Variants in DGKG observed in about 807,000 individuals in gnomAD.
DGKG encodes the protein diacylglycerol kinase gamma, also known as DAG kinase gamma.
A neutral mutation model predicts 105.3 loss-of-function variants in DGKG; 78 were observed. That is an observed-to-expected ratio of 0.74 (90% confidence interval 0.62 to 0.89). DGKG has a LOEUF of 0.89. Among genes scored for constraint, DGKG ranks in the 40% least tolerant of loss-of-function variants. DGKG has a pLI of 0.00. For missense variants in DGKG, 958 were observed against 1,020.1 expected (o/e 0.94, Z 0.83); for synonymous variants, 346 against 367.1 (o/e 0.94, Z 0.66).
chr3:186,299,837 CTTTTTTTT>C (rs67637144), intron 3 of DGKG, among the ~76,000 whole-genome samples: 53 of 90,054 alleles, frequency 5.9e-4, no homozygotes, highest in African/African-American at 2.0e-3. Flanking sequence ...TTCTTTCTTT[CTTTTTTTT>C]TTTTTTTGAG....
chr3:186,165,071 C>T lies in DGKG; in HGVS notation c.2096-53G>A. 1.9e-6 allele frequency: 3 copies of T among 1,568,974 alleles called. No homozygotes were observed. The South Asian group carries it at 3.6e-5, about 19-fold the overall frequency. On this transcript the variant is annotated intron_variant, in intron 22 of 24. Coordinates refer to ENST00000265022, the MANE Select transcript of DGKG (RefSeq NM_001346.3). ...CATACACATCTCTGTGTTCCTCAGA[C>T]AAGTTCTGGCCAGAAAGTCTGGTCC...
intron 18 of DGKG, 21 bp from the exon 19 acceptor site, chr3:186,251,940 T>C (rs1377903545): frequency 6.5e-7 from 1 of 1,529,992 alleles, no homozygotes; most frequent in Non-Finnish European, 8.8e-7. Flanking sequence ...CAGCACTGCA[T>C]TTGCCACCAC....
intron 1 of DGKG, among the ~76,000 whole-genome samples, chr3:186,332,355 A>G (rs1453639929): frequency 1.3e-5 from 2 of 152,164 alleles, no homozygotes; most frequent in African/African-American, 4.8e-5. Context: ...ACTCAGCTTC[A>G]CCACTTGGGG....
chr3:186,298,025 T>C (rs911519094), intron 4 of DGKG, 39 bp downstream of exon 4: 2 of 1,569,720 alleles, frequency 1.3e-6, no homozygotes, highest in African/African-American at 2.7e-5. Flanking sequence ...GGATGAGAGC[T>C]GCGCAAGGTC....
intron 20 of DGKG, among the ~76,000 whole-genome samples, chr3:186,217,175 C>G (rs568954025): frequency 6.6e-4 from 100 of 152,238 alleles, no homozygotes; most frequent in Admixed American, 1.8e-3. Flanking sequence ...CGTAGGTGGC[C>G]CATATTTTTT....
rs1436152315 is a variant in DGKG, at chr3:186,251,775, T to C, written c.1745A>G (p.Tyr582Cys). The change falls in exon 19 of 25, where the codon TAT becomes TGT. Residue 582 changes from tyrosine to cysteine, a missense_variant. Transcript: ENST00000265022. ...CCAACTCACCACACCAATGGAGAAATAGTTGTTCATGATGCTGTATGGGAC... is the reference window on the plus strand; with the variant it reads ...CCAACTCACCACACCAATGGAGAAACAGTTGTTCATGATGCTGTATGGGAC... The part of the protein sequence containing the change: ...DQVPYSIMNN[Y>C]FSIGVDASIA... 1.2e-6 allele frequency: 2 copies of C among 1,613,864 alleles called. No homozygotes were observed. The highest frequency in any genetic ancestry group is 8.5e-7 in the Non-Finnish European group (1 of 1,179,904).
intron 7 of DGKG, among the ~76,000 whole-genome samples, chr3:186,283,502 C>A (rs1291010541): frequency 6.6e-6 from 1 of 152,212 alleles, no homozygotes; most frequent in Non-Finnish European, 1.5e-5. Context: ...TCCTCGGCGA[C>A]CCTCGCTAAA....
intron 1 of DGKG, among the ~76,000 whole-genome samples, chr3:186,349,067 A>G (rs1045667306): frequency 3.3e-5 from 5 of 151,788 alleles, no homozygotes; most frequent in Non-Finnish European, 7.4e-5. Flanking sequence ...GTGTCACGGT[A>G]AATTAAATTA....
chr3:186,251,834 G>A lies in DGKG; in HGVS notation c.1686C>T (p.Val562=). The part of the protein sequence containing the change: ...LVMLDRWHLE[V]IPREEVENGD... ...CGTTTTCCACTTCCTCTCTGGGGAT[G>A]ACTTCCAGATGCCAGCGGTCCAGCA... is the stretch of plus-strand genomic sequence containing the variant. The change falls in exon 19 of 25, where the codon GTC becomes GTT. Residue 562 remains valine, a synonymous_variant. Transcript: ENST00000265022. 6.2e-7 allele frequency: 1 copy of A among 1,613,824 alleles called. No homozygotes were observed. Among genetic ancestry groups the A allele is most frequent in the Non-Finnish European group, 8.5e-7 (1 of 1,179,808 alleles).
At chr3:186,267,867 G>C (rs967565547) in intron 12 of DGKG, 90 bp from the exon 13 acceptor site, 9 of 1,182,994 alleles carry the variant, frequency 7.6e-6, no homozygotes, top group Non-Finnish European at 1.0e-5. Context: ...GAGGTGAGCT[G>C]TCTAGTGCTC....
intron 19 of DGKG, among the ~76,000 whole-genome samples, chr3:186,249,085 G>A (rs1047253543): frequency 2.6e-5 from 4 of 152,152 alleles, no homozygotes; most frequent in Non-Finnish European, 5.9e-5. Flanking sequence ...TGGGGGAAGC[G>A]GAGCCTGAAC....
intron 1 of DGKG, among the ~76,000 whole-genome samples, chr3:186,355,691 T>TACCACC (rs1265363700): frequency 2.0e-5 from 3 of 148,362 alleles, no homozygotes; most frequent in Middle Eastern, 3.4e-3. Flanking sequence ...ATTACCCCAT[T>TACCACC]ATCACCATCA....
intron 5 of DGKG, among the ~76,000 whole-genome samples, chr3:186,289,726 A>C (rs1320022570): frequency 2.6e-5 from 4 of 152,322 alleles, no homozygotes; most frequent in African/African-American, 9.6e-5. Flanking sequence ...CAAAGGGAAG[A>C]TGGACAGTGG....
intron 7 of DGKG, chr3:186,281,345 A>C (rs748570860): frequency 2.6e-5 from 4 of 152,364 alleles, no homozygotes; most frequent in Non-Finnish European, 5.9e-5. Context: ...TTGATGACTG[A>C]GCCTTTTGGT....
intron 1 of DGKG, among the ~76,000 whole-genome samples, chr3:186,352,728 C>A (rs760391603): frequency 3.3e-5 from 5 of 152,186 alleles, no homozygotes; most frequent in Non-Finnish European, 7.3e-5. Context: ...CTGACTCCAC[C>A]TGTACTGCCA....
At chr3:186,287,939 C>A (rs535500675) in intron 6 of DGKG, among the ~76,000 whole-genome samples, 2 of 152,270 alleles carry the variant, frequency 1.3e-5, no homozygotes, top group Admixed American at 1.3e-4. Context: ...GAAGCAAAGA[C>A]AATACAGATT....
At chr3:186,301,748 A>C (rs752333283) in intron 3 of DGKG, among the ~76,000 whole-genome samples, 2 of 152,234 alleles carry the variant, frequency 1.3e-5, no homozygotes, top group Non-Finnish European at 2.9e-5. Flanking sequence ...TGGCAAGTGG[A>C]AATTAGATGA....
intron 21 of DGKG, among the ~76,000 whole-genome samples, chr3:186,197,592 C>T (rs532817972): frequency 7.9e-5 from 12 of 152,192 alleles, no homozygotes; most frequent in Non-Finnish European, 1.5e-4. Flanking sequence ...GGGCGGGGAG[C>T]AGCCTCTCTC....
At chr3:186,190,245 T>A (rs565996684) in intron 21 of DGKG, among the ~76,000 whole-genome samples, 1 of 152,326 alleles carries the variant, frequency 6.6e-6, no homozygotes, top group Admixed American at 6.5e-5. Flanking sequence ...GTCAACTCTC[T>A]TCATCTTCTC....
Sources: allele counts gnomAD v4.1 joint callset (sites outside exome capture counted in the v4.1 genomes callset), GRCh38; gene constraint gnomAD v4.1.1; transcripts MANE v1.5; gene names NCBI Gene and HGNC (gene_info 2026-07-23, HGNC 2026-07-21).